Variants in IKBKB-DT observed in about 807,000 individuals in gnomAD.
IKBKB-DT encodes the protein IKBKB divergent transcript.
At chr8:42,239,614 T>TTATATATATATATATATA (rs113469700) in intron 3 of IKBKB-DT, among the ~76,000 whole-genome samples, 741 of 19,858 alleles carry the variant, frequency 0.037, 101 homozygotes, top group East Asian at 0.05. Flanking sequence ...AAAAGGCAAT[T>TTATATATATATATATATA]TATATATATA....
At chr8:42,236,829 C>A (rs1806929651) in intron 3 of IKBKB-DT, among the ~76,000 whole-genome samples, 2 of 152,142 alleles carry the variant, frequency 1.3e-5, no homozygotes, top group African/African-American at 4.8e-5. Flanking sequence ...AAAAAAATTT[C>A]AAGAGCAAAT....
In IKBKB-DT at chr8:42,271,183, C is replaced by G. The variant is rs569970785; in HGVS notation, n.71G>C. 1,560 of 608,382 alleles carry G rather than the reference C, an allele frequency of 2.6e-3. 25 individuals are homozygous for G. Among genetic ancestry groups the G allele is most frequent in the South Asian group, 0.019 (1,061 of 54,764 alleles). 37.7% of individuals were successfully genotyped at this position (608,382 alleles called of 1,614,324 possible). On this transcript the variant is annotated non_coding_transcript_exon_variant, in exon 1 of 4. Coordinates refer to ENST00000518213, the Ensembl canonical transcript of IKBKB-DT. ...GTCTAGAGACCACACGCCACCCCCG[C>G]CCCGGGGGAGTCGCCCGGTCGAGGG...
intron 3 of IKBKB-DT, among the ~76,000 whole-genome samples, chr8:42,240,250 T>C (rs1806983105): frequency 6.6e-6 from 1 of 151,826 alleles, no homozygotes; most frequent in East Asian, 1.9e-4. Context: ...GGAATCACTT[T>C]GGTTTTTTTG....
chr8:42,242,550 G>A (rs1342796911), intron 3 of IKBKB-DT, among the ~76,000 whole-genome samples: 1 of 152,194 alleles, frequency 6.6e-6, no homozygotes, highest in African/African-American at 2.4e-5. Context: ...GCTGAGTTCT[G>A]TAGAGAGTGG....
intron 3 of IKBKB-DT, among the ~76,000 whole-genome samples, chr8:42,260,093 G>A (rs1456858212): frequency 6.6e-6 from 1 of 152,078 alleles, no homozygotes; most frequent in Admixed American, 6.6e-5. Flanking sequence ...AGAGGTTGTA[G>A]GGGAGCCAGA....
intron 3 of IKBKB-DT, among the ~76,000 whole-genome samples, chr8:42,241,723 T>C (rs1436601422): frequency 2.0e-5 from 3 of 152,052 alleles, no homozygotes; most frequent in African/African-American, 7.2e-5. Flanking sequence ...CCCTTTGTGG[T>C]AGAATAGAGT....
chr8:42,266,320 C>T (rs1174382947), exon 2 of IKBKB-DT: 4 of 152,258 alleles, frequency 2.6e-5, no homozygotes, highest in Non-Finnish European at 5.9e-5. Context: ...CTGTCTTCTC[C>T]TTCTATGATT....
At chr8:42,265,753 G>A (rs1347574431) in exon 2 of IKBKB-DT, 5 of 152,222 alleles carry the variant, frequency 3.3e-5, no homozygotes, top group Non-Finnish European at 7.3e-5. Context: ...TAAAAGTAAA[G>A]GGAGCTTAAA....
At chr8:42,263,031 A>G (rs1335893147) in intron 3 of IKBKB-DT, among the ~76,000 whole-genome samples, 16 of 151,676 alleles carry the variant, frequency 1.1e-4, no homozygotes, top group Non-Finnish European at 2.1e-4. Flanking sequence ...ATGAGCCACT[A>G]CGCCCTGCTA....
chr8:42,254,293 A>G (rs972622656), intron 3 of IKBKB-DT, among the ~76,000 whole-genome samples: 4 of 152,270 alleles, frequency 2.6e-5, no homozygotes, highest in Non-Finnish European at 5.9e-5. Context: ...CACAGTAAAG[A>G]CTAATTTGCA....
intron 3 of IKBKB-DT, among the ~76,000 whole-genome samples, chr8:42,236,532 G>A (rs913169480): frequency 2.6e-5 from 4 of 152,144 alleles, no homozygotes; most frequent in Non-Finnish European, 4.4e-5. Context: ...TTGGAAGGCC[G>A]AGGCGGGTGG....
chr8:42,245,131 T>C (rs1366016830), intron 3 of IKBKB-DT, among the ~76,000 whole-genome samples: 1 of 151,308 alleles, frequency 6.6e-6, no homozygotes, highest in Non-Finnish European at 1.5e-5. Context: ...GGCACGTGCC[T>C]GCAGTCCCAG....
intron 1 of IKBKB-DT, among the ~76,000 whole-genome samples, chr8:42,267,540 G>A (rs1807392219): frequency 6.6e-6 from 1 of 152,126 alleles, no homozygotes; most frequent in African/African-American, 2.4e-5. Context: ...AAGTGCCTCT[G>A]ATGAGATCTC....
intron 3 of IKBKB-DT, among the ~76,000 whole-genome samples, chr8:42,236,453 T>C (rs1392933540): frequency 3.3e-5 from 5 of 152,180 alleles, no homozygotes; most frequent in African/African-American, 1.2e-4. Context: ...TGTCAAAACA[T>C]TTAAAACTCT....
At chr8:42,248,018 G>A (rs1462928747) in intron 3 of IKBKB-DT, among the ~76,000 whole-genome samples, 1 of 151,722 alleles carries the variant, frequency 6.6e-6, no homozygotes, top group Non-Finnish European at 1.5e-5. Flanking sequence ...GCTTGAACCT[G>A]GGAGGCGGAG....
chr8:42,249,649 C>A (rs1807106283), intron 3 of IKBKB-DT, among the ~76,000 whole-genome samples: 1 of 151,692 alleles, frequency 6.6e-6, no homozygotes, highest in Non-Finnish European at 1.5e-5. Context: ...CTCAGGGTTG[C>A]ACTTAACATC....
intron 3 of IKBKB-DT, among the ~76,000 whole-genome samples, chr8:42,237,310 C>G (rs1806938170): frequency 6.6e-6 from 1 of 152,156 alleles, no homozygotes; most frequent in Admixed American, 6.5e-5. Context: ...TGGTCTTGAA[C>G]TCCTGATCTC....
At chr8:42,267,874 GA>G (rs948823472) in intron 1 of IKBKB-DT, among the ~76,000 whole-genome samples, 3 of 150,148 alleles carry the variant, frequency 2.0e-5, no homozygotes, top group Non-Finnish European at 4.4e-5. Context: ...ATTAATTGAA[GA>G]AAAAAAAAGC....
chr8:42,241,981 A>G (rs1807010362), intron 3 of IKBKB-DT, among the ~76,000 whole-genome samples: 2 of 152,160 alleles, frequency 1.3e-5, no homozygotes, highest in Admixed American at 1.3e-4. Flanking sequence ...TGGGAGGCCG[A>G]AGCGGGCGGA....
Sources: gnomAD v4.1 joint callset for allele counts (sites outside exome capture counted in the v4.1 genomes callset) on GRCh38, gnomAD v4.1.1 for gene constraint, MANE v1.5 for transcripts, NCBI Gene and HGNC (gene_info 2026-07-23, HGNC 2026-07-21) for gene names.